The following CACNA1E variants were observed in gnomAD, a reference collection of about 807,000 sequenced individuals.
The protein encoded by CACNA1E is voltage-dependent R-type calcium channel subunit alpha-1E.
Under a neutral mutation model 259.2 loss-of-function variants are expected in CACNA1E, and 40 were observed. The observed-to-expected ratio is 0.15, with a 90% CI of 0.12 to 0.20. The LOEUF (loss-of-function observed/expected upper bound fraction) is 0.20, where lower values mean the gene tolerates loss of function less well. Among genes scored for constraint, CACNA1E ranks in the 10% least tolerant of loss-of-function variants. The pLI is 1.00. For synonymous variants in CACNA1E, 1,104 were observed against 1,138.5 expected (o/e 0.97, Z 0.61); for missense variants, 1,874 against 3,040.1 (o/e 0.62, Z 9.02).
intron 8 of CACNA1E, among the ~76,000 whole-genome samples, chr1:181,714,464 T>A (rs1432538332): frequency 1.3e-5 from 2 of 152,098 alleles, no homozygotes; most frequent in Non-Finnish European, 2.9e-5. Context: ...ATGCCCATCA[T>A]TACATAGGCA....
chr1:181,430,605 G>A (rs1400831163), intron 2 of CACNA1E, among the ~76,000 whole-genome samples: 1 of 152,190 alleles, frequency 6.6e-6, no homozygotes, highest in Non-Finnish European at 1.5e-5. Context: ...ATTACACCAA[G>A]AACAAAGGCT....
At chr1:181,697,335 A>G (rs1417237592) in intron 7 of CACNA1E, among the ~76,000 whole-genome samples, 7 of 152,240 alleles carry the variant, frequency 4.6e-5, no homozygotes, top group African/African-American at 1.7e-4. Flanking sequence ...ACTTAGATGT[A>G]TGATCTTGAA....
At chr1:181,480,238 G>A (rs951039904), upstream of CACNA1E, among the ~76,000 whole-genome samples, 1 of 152,214 alleles carries the variant, frequency 6.6e-6, no homozygotes, top group Non-Finnish European at 1.5e-5. Context: ...ACAGCCAGGT[G>A]GGGGTGGAAG....
chr1:181,388,934 T>C (rs2102027746), intron 1 of CACNA1E, among the ~76,000 whole-genome samples: 1 of 152,206 alleles, frequency 6.6e-6, no homozygotes, highest in East Asian at 1.9e-4. Context: ...AGCATCGTTG[T>C]ATATGCTGTC....
intron 3 of CACNA1E, among the ~76,000 whole-genome samples, chr1:181,551,814 G>T (rs1021749625): frequency 1.3e-5 from 2 of 152,106 alleles, no homozygotes; most frequent in African/African-American, 4.8e-5. Flanking sequence ...CCACTCCATT[G>T]TTGAATAGGT....
chr1:181,491,360 A>AC (rs1301309868), intron 1 of CACNA1E, among the ~76,000 whole-genome samples: 1 of 151,744 alleles, frequency 6.6e-6, no homozygotes, highest in Non-Finnish European at 1.5e-5. Context: ...ACAGATTACT[A>AC]CCCCCCACTC....
At chr1:181,471,470 C>T (rs1662501543) in intron 2 of CACNA1E, among the ~76,000 whole-genome samples, 1 of 152,190 alleles carries the variant, frequency 6.6e-6, no homozygotes, top group Non-Finnish European at 1.5e-5. Context: ...CGAGGCAACA[C>T]ATATATAGTG....
upstream of CACNA1E, among the ~76,000 whole-genome samples, chr1:181,482,782 CG>C (rs1478985479): frequency 6.6e-6 from 1 of 152,244 alleles, no homozygotes; most frequent in Non-Finnish European, 1.5e-5. Context: ...CCGCGAGGCT[CG>C]GCTGCAACCT....
intron 43 of CACNA1E, among the ~76,000 whole-genome samples, chr1:181,788,356 G>T (rs1158908528): frequency 6.6e-6 from 1 of 152,190 alleles, no homozygotes; most frequent in Non-Finnish European, 1.5e-5. Flanking sequence ...TTCAGTAGAG[G>T]TTGATCTAGG....
chr1:181,720,840 C>G lies in CACNA1E; in HGVS notation c.1941C>G (p.Ile647Met), dbSNP rs1250744066. The G allele has an allele frequency of 6.2e-7, 1 of 1,611,214 alleles. No individual in the cohort carries two copies. Among genetic ancestry groups the G allele is most frequent in the Non-Finnish European group, 8.5e-7 (1 of 1,178,018 alleles). The change falls in exon 15 of 48, where the codon ATC (isoleucine) becomes ATG (methionine). Residue 647 changes from isoleucine (I) to methionine (M), a missense_variant. Transcript: ENST00000367573. ...ATTTTGATACCTTCCCTGCAGCCATCATGACTGTGTTCCAGGTATGAGGCC... is the reference window on the plus strand; with the variant it reads ...ATTTTGATACCTTCCCTGCAGCCATGATGACTGTGTTCCAGGTATGAGGCC... The part of the protein sequence containing the change: ...SANFDTFPAA[I>M]MTVFQILTGE...
At chr1:181,727,749 A>G (rs1194204783) in intron 18 of CACNA1E, among the ~76,000 whole-genome samples, 1 of 152,150 alleles carries the variant, frequency 6.6e-6, no homozygotes, top group Non-Finnish European at 1.5e-5. Flanking sequence ...GTGCTGGGGC[A>G]TCTGTGGGAG....
Position 181,515,789 on chromosome 1 carries a change from A to G in CACNA1E, c.512+4279A>G, listed in dbSNP as rs1666536574. ...TAACAACAGGGAAATGAAGGCGAGGACTGTGTCTTAGATGCCCACTCATCT... is the reference window on the plus strand; with the variant it reads ...TAACAACAGGGAAATGAAGGCGAGGGCTGTGTCTTAGATGCCCACTCATCT... On this transcript the variant is annotated intron_variant, in intron 3 of 47. Transcript: ENST00000367573. Among the ~76,000 whole-genome samples, 3 of 152,190 alleles carry G rather than the reference A, an allele frequency of 2.0e-5. No homozygotes were observed. In the South Asian group the frequency reaches 6.2e-4, roughly 31 times the overall value.
At chr1:181,766,962 A>G (rs1480060947) in intron 35 of CACNA1E, among the ~76,000 whole-genome samples, 3 of 152,176 alleles carry the variant, frequency 2.0e-5, no homozygotes, top group African/African-American at 4.8e-5. Context: ...CTAAGGATCT[A>G]TTTCTCAGGA....
rs140772224 is a variant in CACNA1E at position 181,388,458 on chromosome 1, T to C, written c.-14-24675T>C. Reference sequence around the variant, plus strand: ...TAGCCTATTACACACCCAGGCTATATGGTATAGCCTATCGCTCCTAGGCTA... The same window carrying C: ...TAGCCTATTACACACCCAGGCTATACGGTATAGCCTATCGCTCCTAGGCTA... On this transcript the variant is annotated intron_variant, in intron 1 of 11. Coordinates refer to the CACNA1E transcript ENST00000524607. 8.2e-4 allele frequency among the ~76,000 whole-genome samples: 125 copies of C among 152,278 alleles called. 2 individuals carry two copies. The highest frequency in any genetic ancestry group is 2.9e-3 in the African/African-American group (122 of 41,554).
chr1:181,525,528 A>G (rs1230719305), intron 3 of CACNA1E, among the ~76,000 whole-genome samples: 1 of 152,242 alleles, frequency 6.6e-6, no homozygotes, highest in Non-Finnish European at 1.5e-5. Flanking sequence ...GAGGCTATTT[A>G]TAAAATGTCC....
chr1:181,803,838 A>G lies in CACNA1E; in HGVS notation c.*5004A>G, dbSNP rs1439098118. ...CCCAGCCTACCCAAAGGGCCTGAAA[A>G]GCCTCTCTAAACAAAACTCAAGATA... On this transcript the variant is annotated 3_prime_UTR_variant, in exon 48 of 48. Transcript: ENST00000367573. The G allele has an allele frequency of 1.3e-5, 2 of 152,184 alleles. No individual in the cohort carries two copies. The highest frequency in any genetic ancestry group is 2.9e-5 in the Non-Finnish European group (2 of 68,052). 9.4% of individuals were successfully genotyped at this position (152,184 alleles called of 1,614,324 possible). A position where few individuals can be genotyped will look rare whatever the true frequency, so the allele number is the denominator to read the frequency against.
intron 7 of CACNA1E, among the ~76,000 whole-genome samples, chr1:181,679,662 C>CA (rs1649734895): frequency 6.6e-6 from 1 of 152,192 alleles, no homozygotes; most frequent in Non-Finnish European, 1.5e-5. Flanking sequence ...GATGGCACTG[C>CA]AGTGATGGGA....
At chr1:181,532,977 G>A (rs1415150322) in intron 3 of CACNA1E, among the ~76,000 whole-genome samples, 1 of 152,204 alleles carries the variant, frequency 6.6e-6, no homozygotes, top group East Asian at 1.9e-4. Flanking sequence ...GCTTGTGGAA[G>A]AGTGGCATTC....
Position 181,784,680 on chromosome 1 carries a change from G to T in CACNA1E, c.5490G>T (p.Gln1830His). 6.3e-7 allele frequency: 1 copy of T among 1,580,272 alleles called. No individual in the cohort carries two copies. The highest frequency in any genetic ancestry group is 1.8e-5 in the Admixed American group (1 of 55,852). ...KIAKGGADRQ[Q>H]LDSELQKETL... ...TTCTAGGTGGTGCAGACAGGCAGCA[G>T]CTAGACTCAGAGCTACAAAAGGAGA... is the stretch of plus-strand genomic sequence containing the variant. Residue 1830 changes from glutamine to histidine, a missense_variant, in exon 41 of 48, where the codon CAG becomes CAT. Coordinates refer to ENST00000367573, the MANE Select transcript of CACNA1E (RefSeq NM_001205293.3).
Sources: gnomAD v4.1 joint callset for allele counts (sites outside exome capture counted in the v4.1 genomes callset) on GRCh38, gnomAD v4.1.1 for gene constraint, MANE v1.5 for transcripts, NCBI Gene and HGNC (gene_info 2026-07-23, HGNC 2026-07-21) for gene names.